NDUFS4: variants seen among roughly 807,000 people sequenced by gnomAD.
NDUFS4 encodes the protein NADH:ubiquinone oxidoreductase subunit S4, also known as NADH dehydrogenase [ubiquinone] iron-sulfur protein 4, mitochondrial.
A neutral mutation model predicts 24.3 loss-of-function variants in NDUFS4; 28 were observed. The ratio of observed to expected loss-of-function variants is 1.15; its 90% CI spans 0.85 to 1.58. The LOEUF is 1.58. Ranked by LOEUF, NDUFS4 falls within the 40% of genes most tolerant of loss-of-function variation. NDUFS4 has a pLI of 0.00. For missense variants in NDUFS4, 223 were observed against 207.9 expected, an observed-to-expected ratio of 1.07 and a Z score of -0.45; for synonymous variants, 93 against 69.7, an observed-to-expected ratio of 1.34 and a Z score of -1.67.
intron 2 of NDUFS4, among the ~76,000 whole-genome samples, chr5:53,609,011 G>T (rs1750615155): frequency 1.3e-5 from 2 of 152,184 alleles, no homozygotes; most frequent in Non-Finnish European, 2.9e-5. Context: ...CAATAAGTGG[G>T]AAGTGGAGGA....
Position 53,582,236 on chromosome 5 carries a change from A to T in NDUFS4, c.99-21216A>T, listed in dbSNP as rs200373306. 6.7e-3 allele frequency among the ~76,000 whole-genome samples: 856 copies of T among 128,482 alleles called. 6 individuals carry two copies. The highest frequency in any genetic ancestry group is 9.2e-3 in the Non-Finnish European group (525 of 56,972). The allele number at this position is 128,482 out of a possible 152,430, so 84.3% of individuals were successfully genotyped here. A position where few individuals can be genotyped will look rare whatever the true frequency, so the allele number is the denominator to read the frequency against. ...AAAATAAAATAAAATAAAATAAAAT[A>T]AAATAAAATTAAATTAAAATAAAAA... On this transcript the variant is annotated intron_variant, in intron 1 of 4. Transcript: ENST00000296684.
chr5:53,586,665 T>C (rs1456425673), intron 1 of NDUFS4, among the ~76,000 whole-genome samples: 3 of 152,040 alleles, frequency 2.0e-5, no homozygotes, highest in Non-Finnish European at 2.9e-5. Context: ...TGGGACTACT[T>C]GCGTCCACCA....
rs150338173 is a variant in NDUFS4, at chr5:53,665,962, T to A, written c.424+7338T>A. ...TGGAGCTGTTCCTATTCCACCATCT[T>A]GGCTCCACCTTAACTCTTAATAGAC... On this transcript the variant is annotated intron_variant, in intron 4 of 4. Transcript: ENST00000296684. Among the ~76,000 whole-genome samples the A allele has an allele frequency of 7.1e-4, 108 of 152,358 alleles. No homozygotes were observed. In the East Asian group the frequency reaches 0.019, roughly 27 times the overall value.
At chr5:53,637,793 G>A (rs112589416) in intron 2 of NDUFS4, among the ~76,000 whole-genome samples, 62 of 152,074 alleles carry the variant, frequency 4.1e-4, no homozygotes, top group African/African-American at 1.3e-3. Context: ...TTCGAGTTCT[G>A]GAAATTCTTA....
intron 2 of NDUFS4, chr5:53,604,801 T>C: frequency 8.8e-6 from 4 of 456,322 alleles, no homozygotes; most frequent in Non-Finnish European, 1.8e-5. Context: ...TTTTTCCTGC[T>C]TCAAGGCATT....
intron 4 of NDUFS4, among the ~76,000 whole-genome samples, chr5:53,662,887 T>C (rs868345314): frequency 6.6e-6 from 1 of 152,228 alleles, no homozygotes; most frequent in Non-Finnish European, 1.5e-5. Context: ...TTCCTCTTGC[T>C]TCTGTAGTTC....
chr5:53,641,202 A>G (rs981102661), intron 2 of NDUFS4, among the ~76,000 whole-genome samples: 1 of 152,150 alleles, frequency 6.6e-6, no homozygotes, highest in African/African-American at 2.4e-5. Context: ...ATACATGATG[A>G]AAAAGGAGTC....
intron 1 of NDUFS4, among the ~76,000 whole-genome samples, chr5:53,598,910 T>C (rs1750219203): frequency 6.6e-6 from 1 of 152,148 alleles, no homozygotes; most frequent in Non-Finnish European, 1.5e-5. Flanking sequence ...TCAGAGTTTA[T>C]CCTTTGGGCT....
intron 1 of NDUFS4, among the ~76,000 whole-genome samples, chr5:53,600,201 G>A (rs1362811160): frequency 1.3e-5 from 2 of 151,746 alleles, no homozygotes. Flanking sequence ...GTTTCTCCAC[G>A]TTGGTCAGGT....
chr5:53,680,919 G>A (rs538885929), intron 4 of NDUFS4, among the ~76,000 whole-genome samples: 6 of 152,016 alleles, frequency 3.9e-5, no homozygotes, highest in Non-Finnish European at 8.8e-5. Flanking sequence ...GAATGCTCTT[G>A]TCTCAGGGCC....
Position 53,658,576 on chromosome 5 carries a change from C to G in NDUFS4, c.376C>G (p.Leu126Val), listed in dbSNP as rs372938532. The G allele has an allele frequency of 1.2e-6, 2 of 1,613,348 alleles. No homozygotes were observed. Among genetic ancestry groups the G allele is most frequent in the Non-Finnish European group, 8.5e-7 (1 of 1,179,606 alleles). Residue 126 changes from leucine (L) to valine (V), a missense_variant, in exon 4 of 5, where the codon CTA (leucine) becomes GTA (valine). Coordinates refer to ENST00000296684, the MANE Select transcript of NDUFS4 (RefSeq NM_002495.4). ...GGCTGATCCCTTATCCAACATGGTT[C>G]TAACCTTCAGTACTAAAGAAGATGC... ...STADPLSNMV[L>V]TFSTKEDAVS...
chr5:53,657,246 C>T (rs773211353), intron 3 of NDUFS4, among the ~76,000 whole-genome samples: 10 of 151,968 alleles, frequency 6.6e-5, no homozygotes, highest in Non-Finnish European at 1.0e-4. Context: ...AAATCGTGTG[C>T]GCTTTGAAAA....
chr5:53,565,827 C>A (rs1334482867), intron 1 of NDUFS4, among the ~76,000 whole-genome samples: 2 of 152,146 alleles, frequency 1.3e-5, no homozygotes, highest in African/African-American at 4.8e-5. Flanking sequence ...AAAGGGTACC[C>A]TTGGAACATG....
intron 1 of NDUFS4, among the ~76,000 whole-genome samples, chr5:53,576,679 A>C (rs1749396519): frequency 6.6e-6 from 1 of 152,224 alleles, no homozygotes; most frequent in South Asian, 2.1e-4. Context: ...TATCGTATGA[A>C]TATAGATCAT....
chr5:53,598,986 TG>T (rs1162681007), intron 1 of NDUFS4, among the ~76,000 whole-genome samples: 4 of 152,166 alleles, frequency 2.6e-5, no homozygotes, highest in African/African-American at 4.8e-5. Context: ...AACAAATAGA[TG>T]GACAAAAATA....
intron 2 of NDUFS4, among the ~76,000 whole-genome samples, chr5:53,617,456 C>G (rs535628856): frequency 6.6e-6 from 1 of 152,162 alleles, no homozygotes; most frequent in South Asian, 2.1e-4. Flanking sequence ...TTCCTGCCTT[C>G]CCTTCTGTCT....
chr5:53,571,538 A>G (rs941776050), intron 1 of NDUFS4, among the ~76,000 whole-genome samples: 2 of 152,224 alleles, frequency 1.3e-5, no homozygotes, highest in African/African-American at 2.4e-5. Context: ...TTTTGGGTAT[A>G]TACCTCGGAG....
chr5:53,657,943 G>C (rs1437237533), intron 3 of NDUFS4, among the ~76,000 whole-genome samples: 1 of 143,610 alleles, frequency 7.0e-6, no homozygotes, highest in African/African-American at 2.6e-5. Flanking sequence ...AAAAAAAAAA[G>C]AATAAAAGTG....
In NDUFS4 at chr5:53,683,048, G is replaced by A. The variant is rs114503525; in HGVS notation, c.425-70G>A. ...AGTTAAGTTATAAAAGCTAGCCTCT[G>A]CTTGCTGTGCTTTTCAGGTATCCTC... is the stretch of plus-strand genomic sequence containing the variant. On this transcript the variant is annotated intron_variant, in intron 4 of 4. Transcript: ENST00000296684. The A allele has an allele frequency of 8.2e-4, 826 of 1,004,436 alleles. 6 individuals carry two copies. The African/African-American group carries it at 0.012, about 14-fold the overall frequency. 62.2% of individuals were successfully genotyped at this position (1,004,436 alleles called of 1,614,324 possible).
Sources: gnomAD v4.1 joint callset for allele counts (sites outside exome capture counted in the v4.1 genomes callset) on GRCh38, gnomAD v4.1.1 for gene constraint, MANE v1.5 for transcripts, NCBI Gene and HGNC (gene_info 2026-07-23, HGNC 2026-07-21) for gene names.